RGS6: variants seen among roughly 807,000 people sequenced by gnomAD.
The protein encoded by RGS6 is regulator of G protein signaling 6.
In RGS6, 30 loss-of-function variants were observed where a neutral mutation model predicts 78.5. The observed-to-expected ratio is 0.38, with a 90% CI of 0.29 to 0.52. RGS6 has a LOEUF of 0.52. Ranked by LOEUF, RGS6 falls within the 20% of genes least tolerant of loss-of-function variation. The pLI, the probability that RGS6 is intolerant of heterozygous loss-of-function variation, is 0.85. For synonymous variants in RGS6, 206 were observed against 206.0 expected (o/e 1.00, Z 0.00); for missense variants, 495 against 609.7 (o/e 0.81, Z 1.98).
In RGS6 at chr14:71,933,067, C is replaced by T. The variant is rs185950128; in HGVS notation, c.-21+126C>T. The stretch of plus-strand genomic sequence containing the variant: ...TCATCTCCTGGGTGTGGGTGCTTGT[C>T]CATTTCAGATGCGTGACAGGTGCCC... On this transcript the variant is annotated intron_variant, in intron 1 of 17. Coordinates refer to ENST00000553525, the MANE Select transcript of RGS6 (RefSeq NM_001204424.2). The T allele has an allele frequency of 2.6e-5, 4 of 152,608 alleles. No homozygotes were observed. The East Asian group carries it at 7.7e-4, about 29-fold the overall frequency. 9.5% of individuals were successfully genotyped at this position (152,608 alleles called of 1,614,324 possible). A position where few individuals can be genotyped will look rare whatever the true frequency, so the allele number is the denominator to read the frequency against.
chr14:72,619,316 G>T, the RGS6 span: 1 of 1,536,142 alleles, frequency 6.5e-7, no homozygotes, highest in South Asian at 1.2e-5. Context: ...GCAGCCAAAG[G>T]CTGAGGCTTT....
chr14:71,993,444 A>G (rs2095055324), intron 2 of RGS6, among the ~76,000 whole-genome samples: 1 of 152,194 alleles, frequency 6.6e-6, no homozygotes, highest in African/African-American at 2.4e-5. Context: ...GTTACTATCT[A>G]TTGATCCCTT....
At chr14:72,412,939 G>T (rs1430613174) in intron 3 of RGS6, among the ~76,000 whole-genome samples, 2 of 152,080 alleles carry the variant, frequency 1.3e-5, no homozygotes, top group Non-Finnish European at 2.9e-5. Flanking sequence ...GAGACAGTTT[G>T]TTATAATTTC....
At chr14:72,567,027 G>T (rs1385522235), downstream of RGS6, among the ~76,000 whole-genome samples, 1 of 152,184 alleles carries the variant, frequency 6.6e-6, no homozygotes, top group African/African-American at 2.4e-5. Flanking sequence ...TGAGCGTCAG[G>T]CTGACAAGAG....
intron 2 of RGS6, among the ~76,000 whole-genome samples, chr14:72,258,108 A>T (rs573016161): frequency 8.5e-5 from 13 of 152,094 alleles, no homozygotes; most frequent in African/African-American, 2.9e-4. Context: ...CTCTCTGGGG[A>T]TTTGGTTACA....
intron 1 of RGS6, among the ~76,000 whole-genome samples, chr14:71,946,576 A>T (rs1321889997): frequency 1.3e-5 from 2 of 152,188 alleles, no homozygotes; most frequent in African/African-American, 4.8e-5. Flanking sequence ...GAATGTGGTA[A>T]GCAAGGCCTA....
At chr14:72,445,012 G>A (rs1019050038) in intron 3 of RGS6, among the ~76,000 whole-genome samples, 9 of 152,232 alleles carry the variant, frequency 5.9e-5, no homozygotes, top group Admixed American at 5.9e-4. Flanking sequence ...CAAAAAGGTG[G>A]GAGGGGGCCA....
intron 2 of RGS6, among the ~76,000 whole-genome samples, chr14:72,041,157 T>C (rs1272928389): frequency 6.6e-6 from 1 of 152,164 alleles, no homozygotes; most frequent in African/African-American, 2.4e-5. Flanking sequence ...CATTGATTTT[T>C]GCTGGGATTT....
At chr14:72,573,351 C>T in the RGS6 span, among the ~76,000 whole-genome samples, 7 of 152,168 alleles carry the variant, frequency 4.6e-5, no homozygotes, top group African/African-American at 1.7e-4. Flanking sequence ...GGGTTCACCA[C>T]TAGTAGTGTG....
chr14:72,011,344 G>A (rs1487771059), intron 2 of RGS6, among the ~76,000 whole-genome samples: 1 of 152,180 alleles, frequency 6.6e-6, no homozygotes, highest in Non-Finnish European at 1.5e-5. Context: ...TCTTTCGAAA[G>A]TGAAATTGTG....
At chr14:72,254,188 TA>T (rs1386055756) in intron 2 of RGS6, among the ~76,000 whole-genome samples, 1 of 152,254 alleles carries the variant, frequency 6.6e-6, no homozygotes, top group Non-Finnish European at 1.5e-5. Context: ...GTTCATTTTT[TA>T]GTGGCTAAAA....
intron 12 of RGS6, among the ~76,000 whole-genome samples, chr14:72,493,302 T>A (rs1249112145): frequency 6.6e-6 from 1 of 152,180 alleles, no homozygotes; most frequent in Non-Finnish European, 1.5e-5. Context: ...GAACTCATAT[T>A]ATCTGAGAAA....
chr14:72,122,405 T>TG (rs2096072665), intron 2 of RGS6, among the ~76,000 whole-genome samples: 1 of 152,076 alleles, frequency 6.6e-6, no homozygotes, highest in Non-Finnish European at 1.5e-5. Context: ...AAGGGGTTTG[T>TG]GGGGGTAGAA....
chr14:72,088,446 CTCT>C (rs1281381356), intron 2 of RGS6, among the ~76,000 whole-genome samples: 1 of 152,150 alleles, frequency 6.6e-6, no homozygotes, highest in African/African-American at 2.4e-5. Context: ...AATACTTCTG[CTCT>C]TCTTGGCAAA....
At chr14:72,507,256 A>G (rs79766711) in intron 13 of RGS6, among the ~76,000 whole-genome samples, 99 of 152,312 alleles carry the variant, frequency 6.5e-4, no homozygotes, top group African/African-American at 2.3e-3. Context: ...GAGAGAGTGC[A>G]GTGATGCATC....
At chr14:72,058,940 G>C (rs762794662) in intron 2 of RGS6, among the ~76,000 whole-genome samples, 5 of 152,142 alleles carry the variant, frequency 3.3e-5, no homozygotes, top group Non-Finnish European at 7.3e-5. Flanking sequence ...GTCTCGCTCT[G>C]TTGCCCATGA....
chr14:72,405,799 T>G (rs773666042), intron 3 of RGS6, among the ~76,000 whole-genome samples: 1 of 152,194 alleles, frequency 6.6e-6, no homozygotes, highest in Non-Finnish European at 1.5e-5. Flanking sequence ...GGGGCCTTCT[T>G]TGGTGATGGG....
intron 3 of RGS6, among the ~76,000 whole-genome samples, chr14:72,419,178 G>A (rs987195648): frequency 6.6e-6 from 1 of 152,220 alleles, no homozygotes; most frequent in Non-Finnish European, 1.5e-5. Context: ...TCCCATGGTT[G>A]TTATCTTTTG....
chr14:71,966,807 G>A (rs1424309587), intron 2 of RGS6, among the ~76,000 whole-genome samples: 1 of 152,088 alleles, frequency 6.6e-6, no homozygotes, highest in Non-Finnish European at 1.5e-5. Flanking sequence ...GGAAATAAAT[G>A]ATAAAATCTC....
Sources: allele counts gnomAD v4.1 joint callset (sites outside exome capture counted in the v4.1 genomes callset), GRCh38; gene constraint gnomAD v4.1.1; transcripts MANE v1.5; gene names NCBI Gene and HGNC (gene_info 2026-07-23, HGNC 2026-07-21).